The following CCDC60 variants were observed in gnomAD, a reference collection of about 807,000 sequenced individuals.
The protein encoded by CCDC60 is coiled-coil domain containing 60, also known as coiled-coil domain-containing protein 60.
CCDC60 carries 54 observed loss-of-function variants against 63.5 expected under a neutral mutation model. The observed-to-expected ratio is 0.85, with a 90% CI of 0.68 to 1.07. CCDC60 has a LOEUF of 1.07. Among genes scored for constraint, CCDC60 ranks in the 50% least tolerant of loss-of-function variants. The pLI is 0.00. For missense variants in CCDC60, 651 were observed against 684.3 expected, an observed-to-expected ratio of 0.95 and a Z score of 0.54; for synonymous variants, 206 against 238.8, an observed-to-expected ratio of 0.86 and a Z score of 1.27.
At chr12:119,386,614 T>G (rs566013367) in intron 1 of CCDC60, among the ~76,000 whole-genome samples, 138 of 152,086 alleles carry the variant, frequency 9.1e-4, no homozygotes, top group Non-Finnish European at 1.7e-3. Context: ...CTGCTGGGCA[T>G]AATGACCAGG....
Position 119,335,239 on chromosome 12 carries a change from C to G in CCDC60, c.63C>G (p.Pro21=), listed in dbSNP as rs749193089. The G allele has an allele frequency of 6.2e-7, 1 of 1,604,464 alleles. No homozygotes were observed. Among genetic ancestry groups the G allele is most frequent in the African/African-American group, 1.3e-5 (1 of 74,412 alleles). ...QSSPNSGAVR[P]FYASENLRQV... The stretch of plus-strand genomic sequence containing the variant: ...CCCCCAACTCGGGGGCTGTCCGGCC[C>G]TTTTATGCCTCGGAGAACCTAAGGC... Residue 21 remains proline (P), a synonymous_variant, in exon 1 of 14, where the codon CCC becomes CCG. Coordinates refer to ENST00000327554, the MANE Select transcript of CCDC60 (RefSeq NM_178499.5).
intron 13 of CCDC60, among the ~76,000 whole-genome samples, chr12:119,533,993 T>G (rs1418723800): frequency 6.6e-6 from 1 of 152,244 alleles, no homozygotes; most frequent in Non-Finnish European, 1.5e-5. Flanking sequence ...GCATTGAATC[T>G]ATAAATTACC....
intron 13 of CCDC60, among the ~76,000 whole-genome samples, chr12:119,535,582 T>C (rs898568144): frequency 6.6e-6 from 1 of 152,220 alleles, no homozygotes; most frequent in Non-Finnish European, 1.5e-5. Context: ...ACACACTGCT[T>C]TAAGTGTGTC....
chr12:119,360,335 G>A (rs1312644395), intron 1 of CCDC60, among the ~76,000 whole-genome samples: 8 of 101,128 alleles, frequency 7.9e-5, no homozygotes, highest in Admixed American at 2.6e-4. Context: ...CTGGCCAGGC[G>A]GGGGGCTGAC....
intron 2 of CCDC60, among the ~76,000 whole-genome samples, chr12:119,453,145 T>G (rs572972136): frequency 6.6e-6 from 1 of 152,278 alleles, no homozygotes; most frequent in African/African-American, 2.4e-5. Context: ...GCTTTTTAAC[T>G]GACATTAATG....
At chr12:119,345,073 T>C (rs891258349) in intron 1 of CCDC60, among the ~76,000 whole-genome samples, 22 of 152,282 alleles carry the variant, frequency 1.4e-4, no homozygotes, top group African/African-American at 4.8e-4. Flanking sequence ...ACATGGTGGC[T>C]TTTTTGTTGC....
intron 1 of CCDC60, among the ~76,000 whole-genome samples, chr12:119,353,902 G>A (rs983547781): frequency 3.3e-5 from 5 of 151,974 alleles, no homozygotes; most frequent in Admixed American, 6.6e-5. Context: ...GTGAAACCCC[G>A]TCTCTATCAA....
At chr12:119,358,721 T>C (rs2136161905) in intron 1 of CCDC60, among the ~76,000 whole-genome samples, 2 of 152,332 alleles carry the variant, frequency 1.3e-5, no homozygotes, top group Admixed American at 1.3e-4. Flanking sequence ...CTGGATTCAT[T>C]TCACAATGTT....
At chr12:119,500,537 AC>A in intron 6 of CCDC60, among the ~76,000 whole-genome samples, 1 of 35,348 alleles carries the variant, frequency 2.8e-5, no homozygotes, top group Middle Eastern at 0.01. Flanking sequence ...ACCGCCCCCC[AC>A]CCCCACCCCG....
At chr12:119,393,593 A>G (rs1956198720) in intron 1 of CCDC60, among the ~76,000 whole-genome samples, 1 of 152,358 alleles carries the variant, frequency 6.6e-6, no homozygotes, top group Non-Finnish European at 1.5e-5. Flanking sequence ...TGAAATGTAC[A>G]TGGAATAAAT....
At chr12:119,483,996 G>C (rs889443612) in intron 4 of CCDC60, among the ~76,000 whole-genome samples, 12 of 151,348 alleles carry the variant, frequency 7.9e-5, no homozygotes, top group African/African-American at 2.7e-4. Context: ...CAGGTTTAGG[G>C]CACTTTTTAT....
intron 1 of CCDC60, among the ~76,000 whole-genome samples, chr12:119,428,037 C>T (rs1048813066): frequency 6.6e-6 from 1 of 151,924 alleles, no homozygotes; most frequent in African/African-American, 2.4e-5. Context: ...TTATATTGAG[C>T]ATGTATCAAC....
chr12:119,539,600 G>T (rs1953100205), intron 13 of CCDC60, among the ~76,000 whole-genome samples: 1 of 152,228 alleles, frequency 6.6e-6, no homozygotes, highest in Admixed American at 6.5e-5. Flanking sequence ...TCAAGCCAGT[G>T]GATCTTAGCT....
chr12:119,413,745 G>T (rs970116144), intron 1 of CCDC60, among the ~76,000 whole-genome samples: 2 of 152,044 alleles, frequency 1.3e-5, no homozygotes, highest in African/African-American at 4.8e-5. Context: ...CTTTTCTCCT[G>T]AATCCGTCCC....
intron 2 of CCDC60, among the ~76,000 whole-genome samples, chr12:119,453,685 C>T (rs1456316550): frequency 6.6e-6 from 1 of 152,200 alleles, no homozygotes; most frequent in Non-Finnish European, 1.5e-5. Context: ...GTGGGGCTTA[C>T]AGCCAAACCA....
At chr12:119,370,322 T>C (rs961238273) in intron 1 of CCDC60, among the ~76,000 whole-genome samples, 2 of 152,250 alleles carry the variant, frequency 1.3e-5, no homozygotes, top group Non-Finnish European at 2.9e-5. Context: ...CCGTGGTGCA[T>C]TCCACATCCG....
chr12:119,474,897 T>C (rs1167360658), intron 3 of CCDC60, among the ~76,000 whole-genome samples: 1 of 152,142 alleles, frequency 6.6e-6, no homozygotes, highest in Non-Finnish European at 1.5e-5. Context: ...ACAAGGGTTC[T>C]TGTCTATGAG....
chr12:119,530,200 TA>T (rs1321574500), intron 12 of CCDC60, among the ~76,000 whole-genome samples: 1 of 151,196 alleles, frequency 6.6e-6, no homozygotes, highest in Non-Finnish European at 1.5e-5. Flanking sequence ...CCAAAACATA[TA>T]ATGGATGATC....
intron 2 of CCDC60, among the ~76,000 whole-genome samples, chr12:119,440,917 T>C (rs1389722148): frequency 1.3e-5 from 2 of 151,888 alleles, no homozygotes; most frequent in Non-Finnish European, 2.9e-5. Context: ...AATAAGCTAA[T>C]ACATGCAAAG....
Sources: allele counts gnomAD v4.1 joint callset (sites outside exome capture counted in the v4.1 genomes callset), GRCh38; gene constraint gnomAD v4.1.1; transcripts MANE v1.5; gene names NCBI Gene and HGNC (gene_info 2026-07-23, HGNC 2026-07-21).